ASTN2: variants seen among roughly 807,000 people sequenced by gnomAD.
The protein encoded by ASTN2 is astrotactin-2.
Under a neutral mutation model 139.8 loss-of-function variants are expected in ASTN2, and 54 were observed. That is an observed-to-expected ratio of 0.39 (90% CI 0.31 to 0.48). The LOEUF is 0.48. ASTN2 is among the 20% of genes least tolerant of loss of function. The pLI is 0.95. For synonymous variants in ASTN2, 756 were observed against 719.5 expected (o/e 1.05, Z -0.81); for missense variants, 1,565 against 1,725.1 (o/e 0.91, Z 1.64).
intron 1 of ASTN2, among the ~76,000 whole-genome samples, chr9:117,293,601 G>T (rs1238154971): frequency 6.6e-6 from 1 of 152,138 alleles, no homozygotes; most frequent in African/African-American, 2.4e-5. Context: ...CTGATTGGGT[G>T]ATCAATTTGA....
At chr9:117,358,853 G>C (rs149462245) in intron 1 of ASTN2, among the ~76,000 whole-genome samples, 1,835 of 152,086 alleles carry the variant, frequency 0.012, 10 homozygotes, top group Non-Finnish European at 0.018. Flanking sequence ...GCTGCTTGAA[G>C]TTCTATTCAT....
chr9:116,882,753 G>C (rs1429995518), intron 10 of ASTN2, among the ~76,000 whole-genome samples: 1 of 151,840 alleles, frequency 6.6e-6, no homozygotes. Context: ...CTTAAGCCCA[G>C]GAGTTCAAGG....
At chr9:117,236,459 C>CA (rs1013472988) in intron 2 of ASTN2, among the ~76,000 whole-genome samples, 12 of 151,694 alleles carry the variant, frequency 7.9e-5, no homozygotes, top group Admixed American at 1.3e-4. Flanking sequence ...GAAACTTGTT[C>CA]AAAAAAAATG....
At chr9:116,793,774 A>C (rs562159643) in intron 13 of ASTN2, among the ~76,000 whole-genome samples, 12 of 152,328 alleles carry the variant, frequency 7.9e-5, no homozygotes, top group Middle Eastern at 3.4e-3. Flanking sequence ...CTGATGCATA[A>C]TCTATATTTT....
chr9:116,738,467 C>T (rs530642856), intron 13 of ASTN2, among the ~76,000 whole-genome samples: 194 of 151,734 alleles, frequency 1.3e-3, no homozygotes, highest in Non-Finnish European at 2.2e-3. Context: ...CGCTGAGACT[C>T]CATCTCAGAA....
rs112898768 is a variant in ASTN2, at chr9:117,380,868, C to A, written c.442+33629G>T. Among the ~76,000 whole-genome samples the A allele has an allele frequency of 5.8e-3, 887 of 152,242 alleles. 14 individuals carry two copies. Among genetic ancestry groups the A allele is most frequent in the African/African-American group, 0.02 (844 of 41,540 alleles). ...CTTGGCAGTTCCTCAAAAACTTAAA[C>A]AGAATTACCATATACCCAGCAGTTC... is the stretch of plus-strand genomic sequence containing the variant. On this transcript the variant is annotated intron_variant, in intron 1 of 22. Coordinates refer to ENST00000313400, the MANE Select transcript of ASTN2 (RefSeq NM_001365068.1).
At chr9:117,220,756 A>T (rs1425612427) in intron 2 of ASTN2, among the ~76,000 whole-genome samples, 1 of 152,182 alleles carries the variant, frequency 6.6e-6, no homozygotes, top group Non-Finnish European at 1.5e-5. Context: ...ATGAAAGAAT[A>T]AATTTCTCAT....
chr9:116,906,181 C>T (rs1279421905), intron 10 of ASTN2, among the ~76,000 whole-genome samples: 1 of 151,928 alleles, frequency 6.6e-6, no homozygotes, highest in Non-Finnish European at 1.5e-5. Flanking sequence ...GACAAGAAGC[C>T]CAAATTCACC....
chr9:116,847,487 C>T (rs973262930), intron 11 of ASTN2, among the ~76,000 whole-genome samples: 6 of 152,190 alleles, frequency 3.9e-5, no homozygotes, highest in African/African-American at 1.4e-4. Context: ...TCTGCCAAGA[C>T]TCCTGAGGAA....
Position 117,146,093 on chromosome 9 carries a change from A to G in ASTN2, c.1016-4615T>C, listed in dbSNP as rs149739687. On this transcript the variant is annotated intron_variant, in intron 3 of 22. Transcript: ENST00000313400. Reference sequence around the variant, plus strand: ...GGGGAAGTGCTTTGCAAACCTCTCCATGGCCAATTTCATCCTGCATACAAC... The same window carrying G: ...GGGGAAGTGCTTTGCAAACCTCTCCGTGGCCAATTTCATCCTGCATACAAC... 5.2e-3 allele frequency among the ~76,000 whole-genome samples: 785 copies of G among 152,056 alleles called. 7 individuals are homozygous for G. The highest frequency in any genetic ancestry group is 0.024 in the Middle Eastern group (7 of 294).
intron 3 of ASTN2, among the ~76,000 whole-genome samples, chr9:117,191,026 G>A (rs1276983099): frequency 1.3e-5 from 2 of 152,012 alleles, no homozygotes; most frequent in Non-Finnish European, 1.5e-5. Context: ...AAAAATAGAT[G>A]AATAAATGTT....
In ASTN2 at chr9:117,094,133, ACTAAGG is replaced by A; in HGVS notation, c.1276+1905_1276+1910del. Among the ~76,000 whole-genome samples, 8 of 23,270 alleles carry A rather than the reference ACTAAGG, an allele frequency of 3.4e-4. No homozygotes were observed. The East Asian group carries it at 0.012, about 35-fold the overall frequency. 15.3% of individuals were successfully genotyped at this position (23,270 alleles called of 152,430 possible). On this transcript the variant is annotated intron_variant, in intron 5 of 22. Coordinates refer to ENST00000313400, the MANE Select transcript of ASTN2 (RefSeq NM_001365068.1). The stretch of plus-strand genomic sequence containing the variant: ...GAGGGAGAGAGGGAGGGAGGGAGGG[ACTAAGG>A]GAGGGAGGGAGGGAGAAAGGGAGGA...
At chr9:116,915,129 G>C (rs1360255416) in intron 10 of ASTN2, among the ~76,000 whole-genome samples, 1 of 152,136 alleles carries the variant, frequency 6.6e-6, no homozygotes, top group Non-Finnish European at 1.5e-5. Context: ...TCTTGCCCTG[G>C]GGAGCAGTCC....
intron 10 of ASTN2, among the ~76,000 whole-genome samples, chr9:116,884,810 C>CCA (rs1456350797): frequency 8.0e-6 from 1 of 124,680 alleles, no homozygotes; most frequent in Non-Finnish European, 1.6e-5. Flanking sequence ...TCCGCCCCCC[C>CCA]CCCACCCACT....
rs865968086 is a variant in ASTN2 at position 116,446,678 on chromosome 9, G to A, written c.3498-4125C>T. Among the ~76,000 whole-genome samples the A allele has an allele frequency of 3.9e-5, 6 of 152,138 alleles. No homozygotes were observed. The South Asian group carries it at 8.3e-4, about 21-fold the overall frequency. The stretch of plus-strand genomic sequence containing the variant: ...GTTGGATGAGCTATACAGGAACCTG[G>A]AGCTCCAGGCCCAAACCATTGCTAT... On this transcript the variant is annotated intron_variant, in intron 20 of 22. Coordinates refer to ENST00000313400, the MANE Select transcript of ASTN2 (RefSeq NM_001365068.1).
chr9:116,975,198 G>A lies in ASTN2; in HGVS notation c.1889+10C>T. 1 of 1,603,794 alleles carries A rather than the reference G, an allele frequency of 6.2e-7. No individual in the cohort carries two copies. The highest frequency in any genetic ancestry group is 8.5e-7 in the Non-Finnish European group (1 of 1,175,436). ...AGTACCTATGCAGAGTACTGGAGAT[G>A]ATTCCCTACCTGACATCTGCAGGGT... On this transcript the variant is annotated intron_variant, in intron 10 of 22. Coordinates refer to ENST00000313400, the MANE Select transcript of ASTN2 (RefSeq NM_001365068.1).
At chr9:117,216,756 G>A (rs1394547438) in intron 2 of ASTN2, among the ~76,000 whole-genome samples, 3 of 152,122 alleles carry the variant, frequency 2.0e-5, no homozygotes, top group Non-Finnish European at 4.4e-5. Context: ...GAGAGGGAGG[G>A]AGTGAGGAAG....
At chr9:116,677,059 A>G (rs1039225078) in intron 16 of ASTN2, among the ~76,000 whole-genome samples, 1 of 152,250 alleles carries the variant, frequency 6.6e-6, no homozygotes, top group Non-Finnish European at 1.5e-5. Context: ...TTTAAAGAGC[A>G]CTATGGTTAA....
chr9:117,178,765 C>T (rs1384936358), intron 3 of ASTN2, among the ~76,000 whole-genome samples: 1 of 152,176 alleles, frequency 6.6e-6, no homozygotes, highest in Non-Finnish European at 1.5e-5. Context: ...GCTGGCAAAA[C>T]ATCATCTGCA....
Sources: allele counts gnomAD v4.1 joint callset (sites outside exome capture counted in the v4.1 genomes callset), GRCh38; gene constraint gnomAD v4.1.1; transcripts MANE v1.5; gene names NCBI Gene and HGNC (gene_info 2026-07-23, HGNC 2026-07-21).